The following PELI2 variants were observed in gnomAD, a reference collection of about 807,000 sequenced individuals.
PELI2 encodes the protein pellino E3 ubiquitin protein ligase family member 2, also known as E3 ubiquitin-protein ligase pellino homolog 2.
In PELI2, 23 loss-of-function variants were observed where a neutral mutation model predicts 42.3. That is an observed-to-expected ratio of 0.54 (90% CI 0.39 to 0.77). The LOEUF (loss-of-function observed/expected upper bound fraction) is 0.77, where lower values mean the gene tolerates loss of function less well. Ranked by LOEUF, PELI2 falls within the 30% of genes least tolerant of loss-of-function variation. The probability of loss-of-function intolerance (pLI) is 0.00; values close to 1 mark genes in which losing one functional copy is unlikely to be tolerated. For synonymous variants in PELI2, 245 were observed against 212.2 expected (o/e 1.15, Z -1.34); for missense variants, 463 against 553.2 (o/e 0.84, Z 1.64).
At chr14:56,253,136 C>T (rs954146534) in intron 2 of PELI2, among the ~76,000 whole-genome samples, 24 of 152,132 alleles carry the variant, frequency 1.6e-4, no homozygotes, top group Admixed American at 7.9e-4. Flanking sequence ...AAAAGGCCAT[C>T]GATAAAATTC....
chr14:56,149,084 A>C (rs1224151076), intron 1 of PELI2, among the ~76,000 whole-genome samples: 1 of 152,188 alleles, frequency 6.6e-6, no homozygotes, highest in African/African-American at 2.4e-5. Context: ...CATGCTAAGA[A>C]AATGTAGAAT....
intron 1 of PELI2, among the ~76,000 whole-genome samples, chr14:56,171,038 C>T (rs1472173344): frequency 6.6e-6 from 1 of 152,176 alleles, no homozygotes; most frequent in Non-Finnish European, 1.5e-5. Context: ...GCCCAGGGAA[C>T]GTTCTGACCT....
In PELI2 at chr14:56,219,738, G is replaced by C. The variant is rs2139746265; in HGVS notation, c.207+41274G>C. Among the ~76,000 whole-genome samples, 2 of 152,272 alleles carry C rather than the reference G, an allele frequency of 1.3e-5. No homozygotes were observed. ...GATGTGGAAAATTGTACTTAGGTTGGTAAACTGAAAAATGACACGACATGC... is the reference window on the plus strand; with the variant it reads ...GATGTGGAAAATTGTACTTAGGTTGCTAAACTGAAAAATGACACGACATGC... On this transcript the variant is annotated intron_variant, in intron 2 of 5. Transcript: ENST00000267460. The surrounding 1 kb of genome is among the most constrained non-coding windows in gnomAD (Gnocchi z 4.1).
chr14:56,233,983 A>T (rs559968986), intron 2 of PELI2, among the ~76,000 whole-genome samples: 12 of 152,370 alleles, frequency 7.9e-5, no homozygotes, highest in African/African-American at 2.9e-4. Context: ...TTATGCAGCC[A>T]ACGGACACAT....
At position 56,279,630 on chromosome 14, in the gene PELI2, T is replaced by G. The variant is rs931000167; in HGVS notation, c.208-46T>G. 4 of 1,099,616 alleles carry G rather than the reference T, an allele frequency of 3.6e-6. No homozygotes were observed. In the African/African-American group the frequency reaches 6.2e-5, roughly 17 times the overall value. 68.1% of individuals were successfully genotyped at this position (1,099,616 alleles called of 1,614,324 possible). Reference sequence around the variant, plus strand: ...ATAACTACAGGCAGAATTGATAAGTTGTTGAAATGGAATTGTAATGGATTT... The same window carrying G: ...ATAACTACAGGCAGAATTGATAAGTGGTTGAAATGGAATTGTAATGGATTT... On this transcript the variant is annotated intron_variant, in intron 2 of 5. Coordinates refer to ENST00000267460, the MANE Select transcript of PELI2 (RefSeq NM_021255.3).
intron 1 of PELI2, among the ~76,000 whole-genome samples, chr14:56,165,273 C>G (rs1884915009): frequency 6.6e-6 from 1 of 152,060 alleles, no homozygotes; most frequent in Non-Finnish European, 1.5e-5. Context: ...TTCTTAAGTT[C>G]TTCATTGACC....
intron 2 of PELI2, among the ~76,000 whole-genome samples, chr14:56,262,924 T>C (rs940985019): frequency 3.3e-5 from 5 of 152,172 alleles, no homozygotes; most frequent in African/African-American, 1.2e-4. Flanking sequence ...CCAAATTTTT[T>C]TTTAGTGACC....
intron 1 of PELI2, among the ~76,000 whole-genome samples, chr14:56,143,883 C>T (rs140757575): frequency 3.9e-5 from 6 of 152,240 alleles, no homozygotes; most frequent in South Asian, 2.1e-4. Flanking sequence ...GCCTCATTTC[C>T]TTTTATTGGA....
intron 1 of PELI2, among the ~76,000 whole-genome samples, chr14:56,164,671 G>A (rs1363621252): frequency 6.6e-6 from 1 of 152,006 alleles, no homozygotes; most frequent in Admixed American, 6.5e-5. Context: ...CAGGTTCCGG[G>A]CTTTTCTTTA....
intron 1 of PELI2, among the ~76,000 whole-genome samples, chr14:56,129,359 A>G (rs1883396544): frequency 6.6e-6 from 1 of 152,220 alleles, no homozygotes; most frequent in Admixed American, 6.5e-5. Flanking sequence ...GTGCGATGGC[A>G]AGGGTGAGGT....
intron 2 of PELI2, among the ~76,000 whole-genome samples, chr14:56,253,051 G>T (rs1171047036): frequency 6.6e-6 from 1 of 152,146 alleles, no homozygotes; most frequent in African/African-American, 2.4e-5. Context: ...TTCAACATAT[G>T]CAAATCAATA....
At chr14:56,251,570 T>C (rs1362938657) in intron 2 of PELI2, among the ~76,000 whole-genome samples, 1 of 152,198 alleles carries the variant, frequency 6.6e-6, no homozygotes, top group Non-Finnish European at 1.5e-5. Context: ...AGTGACACAC[T>C]TGTGTGCTCA....
At chr14:56,146,008 A>C (rs1257768661) in intron 1 of PELI2, among the ~76,000 whole-genome samples, 1 of 152,216 alleles carries the variant, frequency 6.6e-6, no homozygotes, top group African/African-American at 2.4e-5. Context: ...TTGAAATCCA[A>C]ATTGACTGTA....
chr14:56,134,975 T>C (rs1452842092), intron 1 of PELI2, among the ~76,000 whole-genome samples: 1 of 152,174 alleles, frequency 6.6e-6, no homozygotes, highest in East Asian at 1.9e-4. Context: ...GATAATGAAA[T>C]TTCTAAAATT....
At chr14:56,158,306 G>A (rs1316120230) in intron 1 of PELI2, among the ~76,000 whole-genome samples, 3 of 151,964 alleles carry the variant, frequency 2.0e-5, no homozygotes, top group East Asian at 3.9e-4. Context: ...AGGATTACAG[G>A]TGTGAGCTGC....
chr14:56,290,733 A>G (rs1889801842), intron 5 of PELI2, among the ~76,000 whole-genome samples: 1 of 152,194 alleles, frequency 6.6e-6, no homozygotes, highest in African/African-American at 2.4e-5. Context: ...CACCACAAAA[A>G]TCTACTTAAA....
intron 2 of PELI2, among the ~76,000 whole-genome samples, chr14:56,190,151 T>G (rs113894320): frequency 2.0e-5 from 3 of 152,244 alleles, no homozygotes; most frequent in African/African-American, 7.2e-5. Context: ...TCTGTAGTAC[T>G]TGATTGAAAT....
In PELI2 at chr14:56,162,310, C is replaced by T. The variant is rs565955320; in HGVS notation, c.78-16025C>T. Among the ~76,000 whole-genome samples, 167 of 152,102 alleles carry T rather than the reference C, an allele frequency of 1.1e-3. 2 individuals carry two copies. The highest frequency in any genetic ancestry group is 3.8e-3 in the African/African-American group (158 of 41,496). On this transcript the variant is annotated intron_variant, in intron 1 of 5. Transcript: ENST00000267460. The stretch of plus-strand genomic sequence containing the variant: ...TGACCATCTTTCTACTCTCTATGTC[C>T]GTGAGTTCAGTTGTTTTGGTTTTTA...
intron 2 of PELI2, among the ~76,000 whole-genome samples, chr14:56,234,754 T>A (rs539841115): frequency 4.6e-5 from 7 of 152,236 alleles, no homozygotes; most frequent in East Asian, 1.9e-4. Flanking sequence ...GTATTTTTTT[T>A]AAAAAATGTA....
Sources: gnomAD v4.1 joint callset for allele counts (sites outside exome capture counted in the v4.1 genomes callset) on GRCh38, gnomAD v4.1.1 for gene constraint, Gnocchi (gnomAD v3.1) non-coding constraint, MANE v1.5 for transcripts, NCBI Gene and HGNC (gene_info 2026-07-23, HGNC 2026-07-21) for gene names.